The following PVALEF variants were observed in gnomAD, a reference collection of about 807,000 sequenced individuals.
PVALEF encodes parvalbumin like EF-hand containing.
A neutral mutation model predicts 1.2 loss-of-function variants in PVALEF; 2 were observed. That is an observed-to-expected ratio of 1.68 (90% CI 0.69 to 5.28). The LOEUF is 5.28. Ranked by LOEUF, PVALEF falls within the 30% of genes most tolerant of loss-of-function variation. The pLI is 0.06. For synonymous variants in PVALEF, 16 were observed against 6.5 expected (o/e 2.47, Z -2.24); for missense variants, 35 against 17.7 (o/e 1.97, Z -1.75).
At chr17:81,171,367 TC>T (rs2061519790) in intron 2 of PVALEF, among the ~76,000 whole-genome samples, 1 of 152,118 alleles carries the variant, frequency 6.6e-6, no homozygotes, top group African/African-American at 2.4e-5. Flanking sequence ...CACGCCAGGC[TC>T]CCCAGGCCTT....
chr17:81,165,564 G>A lies in PVALEF; in HGVS notation c.-691G>A. The stretch of plus-strand genomic sequence containing the variant: ...CGCCAGGGCCCCGGACCCAGGAGAG[G>A]CCATGGAAAGCCTGAACCCCAGCTG... On this transcript the variant is annotated 5_prime_UTR_variant, in exon 1 of 7. Coordinates refer to ENST00000637878, the MANE Select transcript of PVALEF (RefSeq NM_001354639.2). 8.8e-7 allele frequency: 1 copy of A among 1,141,192 alleles called. No individual in the cohort carries two copies. Among genetic ancestry groups the A allele is most frequent in the Middle Eastern group, 2.1e-4 (1 of 4,716 alleles). The allele number at this position is 1,141,192 out of a possible 1,614,324, so 70.7% of individuals were successfully genotyped here.
intron 2 of PVALEF, among the ~76,000 whole-genome samples, chr17:81,170,457 G>GC (rs995043871): frequency 9.9e-5 from 15 of 152,090 alleles, no homozygotes; most frequent in African/African-American, 3.4e-4. Flanking sequence ...CTTGATCACA[G>GC]CTGCAAGGAC....
chr17:81,173,687 A>G (rs1316237041), intron 2 of PVALEF, among the ~76,000 whole-genome samples: 1 of 152,224 alleles, frequency 6.6e-6, no homozygotes, highest in Non-Finnish European at 1.5e-5. Flanking sequence ...CCCATCAAAG[A>G]AAGGCCCAGG....
At chr17:81,168,515 C>T (rs200882345) in intron 2 of PVALEF, among the ~76,000 whole-genome samples, 1 of 152,160 alleles carries the variant, frequency 6.6e-6, no homozygotes, top group East Asian at 1.9e-4. Context: ...CTAGTGGGGC[C>T]CCCCAGGTGC....
At chr17:81,180,245 C>T (rs1344698844) in intron 3 of PVALEF, among the ~76,000 whole-genome samples, 9 of 152,194 alleles carry the variant, frequency 5.9e-5, no homozygotes, top group Admixed American at 5.9e-4. Flanking sequence ...CTGGCTTGGC[C>T]ACATTTAGCC....
At chr17:81,167,300 G>A (rs1004684984) in intron 2 of PVALEF, among the ~76,000 whole-genome samples, 3 of 150,646 alleles carry the variant, frequency 2.0e-5, no homozygotes, top group African/African-American at 7.3e-5. Context: ...CAAAAAAAGT[G>A]TCCTGGAGAC....
At chr17:81,168,512 G>A (rs2061507030) in intron 2 of PVALEF, among the ~76,000 whole-genome samples, 1 of 152,190 alleles carries the variant, frequency 6.6e-6, no homozygotes, top group African/African-American at 2.4e-5. Flanking sequence ...ACCCTAGTGG[G>A]GCCCCCCAGG....
At chr17:81,165,931 G>C in intron 1 of PVALEF, 184 bp downstream of exon 1, 1 of 1,578,214 alleles carries the variant, frequency 6.3e-7, no homozygotes, top group Non-Finnish European at 8.6e-7. Flanking sequence ...GGCCGCCAGG[G>C]ACTCACCGGG....
rs192052624 is a variant in PVALEF, at chr17:81,178,682, G to T, written c.-339-236G>T. Among the ~76,000 whole-genome samples the T allele has an allele frequency of 1.4e-3, 215 of 152,242 alleles. 2 individuals carry two copies. The highest frequency in any genetic ancestry group is 2.6e-3 in the Non-Finnish European group (179 of 68,000). On this transcript the variant is annotated intron_variant, in intron 2 of 6. Coordinates refer to ENST00000637878, the MANE Select transcript of PVALEF (RefSeq NM_001354639.2). ...AACCTGTTTCCTGCACCAGAGCTGG[G>T]GGGGGCAGGGTCCCCAGCCTCAATC...
At chr17:81,181,060 C>A in intron 3 of PVALEF, 63 bp from the exon 4 acceptor site, 1 of 541,032 alleles carries the variant, frequency 1.8e-6, no homozygotes. Context: ...GGGATCCCAG[C>A]ATGTCTCGGG....
intron 2 of PVALEF, among the ~76,000 whole-genome samples, chr17:81,176,855 A>C (rs1446259600): frequency 6.6e-6 from 1 of 152,162 alleles, no homozygotes; most frequent in Non-Finnish European, 1.5e-5. Flanking sequence ...GGTGGACGAA[A>C]AATCCAGGAT....
intron 2 of PVALEF, among the ~76,000 whole-genome samples, chr17:81,172,225 GC>G (rs2061523033): frequency 6.6e-6 from 1 of 152,194 alleles, no homozygotes; most frequent in Non-Finnish European, 1.5e-5. Flanking sequence ...GAGACAGACT[GC>G]AATGTTATTA....
chr17:81,170,322 T>C (rs2061516523), intron 2 of PVALEF, among the ~76,000 whole-genome samples: 1 of 151,040 alleles, frequency 6.6e-6, no homozygotes, highest in East Asian at 1.9e-4. Flanking sequence ...TATGTAGGGG[T>C]GTGTGCATGT....
At chr17:81,177,030 G>A (rs1188207597) in intron 2 of PVALEF, among the ~76,000 whole-genome samples, 4 of 149,748 alleles carry the variant, frequency 2.7e-5, no homozygotes, top group East Asian at 4.0e-4. Flanking sequence ...AAGTTCCAGC[G>A]ATTCTGCTGC....
intron 2 of PVALEF, among the ~76,000 whole-genome samples, chr17:81,175,477 A>G (rs530110307): frequency 3.9e-4 from 60 of 152,332 alleles, no homozygotes; most frequent in Non-Finnish European, 7.8e-4. Context: ...AAGATATCCA[A>G]AACAATCTTG....
intron 2 of PVALEF, among the ~76,000 whole-genome samples, chr17:81,169,825 T>G (rs1423130164): frequency 2.0e-5 from 3 of 149,110 alleles, no homozygotes; most frequent in African/African-American, 7.4e-5. Flanking sequence ...TGTGTCTGTG[T>G]GTGTCTGTCT....
In PVALEF at chr17:81,165,905, A is replaced by G. The variant is rs777123576; in HGVS notation, c.-508+158A>G. The G allele has an allele frequency of 1.9e-6, 3 of 1,563,332 alleles. No individual in the cohort carries two copies. In the Admixed American group the frequency reaches 5.7e-5, roughly 30 times the overall value. On this transcript the variant is annotated intron_variant, in intron 1 of 6. Transcript: ENST00000637878. The stretch of plus-strand genomic sequence containing the variant: ...CATCACGTCCGCAGCGGAGGGAGGC[A>G]GCGGCGCGCAGGCCGGGCCGCCAGG...
At chr17:81,180,201 C>T (rs936645965) in intron 3 of PVALEF, among the ~76,000 whole-genome samples, 2 of 152,214 alleles carry the variant, frequency 1.3e-5, no homozygotes, top group Admixed American at 6.5e-5. Flanking sequence ...AGCCCAGGGG[C>T]ACCCCCAGCA....
intron 3 of PVALEF, 123 bp from the exon 4 acceptor site, chr17:81,181,000 C>T: frequency 2.0e-6 from 1 of 506,202 alleles, no homozygotes; most frequent in East Asian, 3.5e-5. Flanking sequence ...GATGGCCCGG[C>T]CCCTCCCGCT....
Sources: gnomAD v4.1 joint callset for allele counts (sites outside exome capture counted in the v4.1 genomes callset) on GRCh38, gnomAD v4.1.1 for gene constraint, MANE v1.5 for transcripts, NCBI Gene and HGNC (gene_info 2026-07-23, HGNC 2026-07-21) for gene names.